Variants in ELFN2 observed in about 807,000 individuals in gnomAD.
ELFN2 encodes the protein extracellular leucine rich repeat and fibronectin type III domain containing 2.
In ELFN2, 17 loss-of-function variants were observed where a neutral mutation model predicts 45.5. The observed-to-expected ratio is 0.37, with a 90% CI of 0.26 to 0.56. The LOEUF is 0.56. Among genes scored for constraint, ELFN2 ranks in the 20% least tolerant of loss-of-function variants. The pLI, the probability that ELFN2 is intolerant of heterozygous loss-of-function variation, is 0.77. For missense variants in ELFN2, 922 were observed against 1,183.2 expected (o/e 0.78, Z 3.24); for synonymous variants, 550 against 551.5 (o/e 1.00, Z 0.04).
chr22:37,413,894 G>A (rs1235524303), intron 2 of ELFN2, among the ~76,000 whole-genome samples: 2 of 152,154 alleles, frequency 1.3e-5, no homozygotes, highest in Non-Finnish European at 2.9e-5. Flanking sequence ...AGCCTGAAAC[G>A]CAAGGCCTCC....
At chr22:37,349,969 G>A (rs1371591841) in intron 1 of ELFN2, among the ~76,000 whole-genome samples, 1 of 150,960 alleles carries the variant, frequency 6.6e-6, no homozygotes, top group Admixed American at 6.6e-5. Context: ...CTCCCCATGA[G>A]ATCGGAGAGC....
At chr22:37,397,562 G>A (rs1472370472) in intron 2 of ELFN2, among the ~76,000 whole-genome samples, 4 of 152,196 alleles carry the variant, frequency 2.6e-5, no homozygotes, top group Admixed American at 6.5e-5. Flanking sequence ...GAGGGGGAAC[G>A]TGGACAGAGC....
intron 2 of ELFN2, among the ~76,000 whole-genome samples, chr22:37,380,075 G>T (rs1569134398): frequency 6.6e-6 from 1 of 152,186 alleles, no homozygotes. Context: ...GAACCTCCGG[G>T]TCACATCCTC....
At chr22:37,401,890 G>C (rs1005323143) in intron 2 of ELFN2, among the ~76,000 whole-genome samples, 1 of 152,178 alleles carries the variant, frequency 6.6e-6, no homozygotes, top group African/African-American at 2.4e-5. Context: ...TGGCGACAAG[G>C]GAAAAGCTTG....
In ELFN2 at chr22:37,375,558, C is replaced by A. The variant is rs1200301750; in HGVS notation, c.-24G>T. On this transcript the variant is annotated 5_prime_UTR_variant, in exon 3 of 3. Transcript: ENST00000402918. Reference sequence around the variant, plus strand: ...ATGGCGCTGGCCTCGGAGTGAGGGGCCAGGGCAAGGCAGGGGGTGCCTAGC... The same window carrying A: ...ATGGCGCTGGCCTCGGAGTGAGGGGACAGGGCAAGGCAGGGGGTGCCTAGC... 3.9e-6 allele frequency: 6 copies of A among 1,521,616 alleles called. No homozygotes were observed. Among genetic ancestry groups the A allele is most frequent in the Non-Finnish European group, 5.3e-6 (6 of 1,133,416 alleles). 94.3% of individuals were successfully genotyped at this position (1,521,616 alleles called of 1,614,324 possible).
intron 1 of ELFN2, among the ~76,000 whole-genome samples, chr22:37,359,691 C>T (rs1931034045): frequency 6.6e-6 from 1 of 152,198 alleles, no homozygotes; most frequent in Admixed American, 6.5e-5. Context: ...ACTCCAAGGC[C>T]CAGTACTGCC....
chr22:37,355,907 C>A (rs983978823), intron 1 of ELFN2, among the ~76,000 whole-genome samples: 5 of 152,194 alleles, frequency 3.3e-5, no homozygotes, highest in Non-Finnish European at 5.9e-5. Context: ...GAGTGTTCAG[C>A]GTCTTTTGTT....
At chr22:37,378,896 T>C (rs1601749083) in intron 2 of ELFN2, among the ~76,000 whole-genome samples, 1 of 151,792 alleles carries the variant, frequency 6.6e-6, no homozygotes, top group Non-Finnish European at 1.5e-5. Flanking sequence ...GTGTGGGGGG[T>C]GGGGGCAGCA....
At position 37,417,461 on chromosome 22, in the gene ELFN2, T is replaced by C. The variant is rs1006054509; in HGVS notation, c.-463+308A>G. ...TGCTGGAGTGCAGACTAAGCCTGCC[T>C]CAGCCTCTCTGCCGGGTGATGGGGC... On this transcript the variant is annotated intron_variant, in intron 2 of 2. Coordinates refer to ENST00000402918, the MANE Select transcript of ELFN2 (RefSeq NM_052906.5). This position sits in a 1 kb window ranked among gnomAD's most constrained non-coding sequence, Gnocchi z 4.5. Among the ~76,000 whole-genome samples the C allele has an allele frequency of 3.3e-5, 5 of 152,200 alleles. No homozygotes were observed. The highest frequency in any genetic ancestry group is 7.3e-5 in the Non-Finnish European group (5 of 68,038).
rs374518588 is a variant in ELFN2 at position 37,414,328 on chromosome 22, G to A, written c.-463+3441C>T. 1.2e-4 allele frequency among the ~76,000 whole-genome samples: 19 copies of A among 152,206 alleles called. No individual in the cohort carries two copies. In the South Asian group the frequency reaches 3.9e-3, roughly 31 times the overall value. On this transcript the variant is annotated intron_variant, in intron 2 of 2. Transcript: ENST00000402918. ...AGGGTGCTCGGGAGGACTTCCCTGA[G>A]GAGGTGACAGTTAACCAGAACAGGA...
chr22:37,378,504 G>A (rs1337369649), intron 2 of ELFN2, among the ~76,000 whole-genome samples: 2 of 152,226 alleles, frequency 1.3e-5, no homozygotes, highest in East Asian at 3.8e-4. Flanking sequence ...GGCCCATGTG[G>A]GAGGGGAGCT....
rs551497678 is a variant in ELFN2 at position 37,427,319 on chromosome 22, G to A, written c.-635C>T. ...TTACCCCAGCCCCAGCCGGGATCCGGGCCAAGCACCGCCTCCGGGAAGCGG... is the reference window on the plus strand; with the variant it reads ...TTACCCCAGCCCCAGCCGGGATCCGAGCCAAGCACCGCCTCCGGGAAGCGG... On this transcript the variant is annotated 5_prime_UTR_variant, in exon 1 of 3. Coordinates refer to ENST00000402918, the MANE Select transcript of ELFN2 (RefSeq NM_052906.5). 1 of 152,830 alleles carries A rather than the reference G, an allele frequency of 6.5e-6. No individual in the cohort carries two copies. Among genetic ancestry groups the A allele is most frequent in the South Asian group, 2.1e-4 (1 of 4,838 alleles). The allele number at this position is 152,830 out of a possible 1,614,324, so 9.5% of individuals were successfully genotyped here.
intron 2 of ELFN2, among the ~76,000 whole-genome samples, chr22:37,401,280 CA>C (rs1932355581): frequency 6.6e-6 from 1 of 152,228 alleles, no homozygotes; most frequent in African/African-American, 2.4e-5. Flanking sequence ...CAGGGACACA[CA>C]GTTGGGCAGT....
intron 2 of ELFN2, among the ~76,000 whole-genome samples, chr22:37,403,126 A>G (rs1448563653): frequency 6.6e-6 from 1 of 151,634 alleles, no homozygotes; most frequent in African/African-American, 2.4e-5. Flanking sequence ...GGCCACTTTC[A>G]TTCTTCCCTC....
intron 2 of ELFN2, among the ~76,000 whole-genome samples, chr22:37,403,726 C>T (rs1351052252): frequency 6.6e-6 from 1 of 152,238 alleles, no homozygotes; most frequent in African/African-American, 2.4e-5. Flanking sequence ...CCCAACGAGG[C>T]TCATCATCTC....
chr22:37,350,267 C>CA (rs75618004), intron 1 of ELFN2, among the ~76,000 whole-genome samples: 50,481 of 150,512 alleles, frequency 0.34, 10,777 homozygotes, highest in African/African-American at 0.52. Flanking sequence ...ATGGCAAGAA[C>CA]GGGTGGGAGC....
At chr22:37,361,875 C>T (rs897208376) in intron 1 of ELFN2, among the ~76,000 whole-genome samples, 3 of 152,200 alleles carry the variant, frequency 2.0e-5, no homozygotes, top group Non-Finnish European at 4.4e-5. Flanking sequence ...ATTCTCCGGC[C>T]CATAGGACAC....
At position 37,373,984 on chromosome 22, in the gene ELFN2, G is replaced by C; in HGVS notation, c.1551C>G (p.Pro517=). 2 of 1,613,002 alleles carry C rather than the reference G, an allele frequency of 1.2e-6. No individual in the cohort carries two copies. Among genetic ancestry groups the C allele is most frequent in the African/African-American group, 2.7e-5 (2 of 75,050 alleles). The change falls in exon 3 of 3, where the codon CCC becomes CCG. Residue 517 remains proline, a synonymous_variant. Transcript: ENST00000402918. ...TGAGGDGLAR[P]EDDLPDLENG... ...TCTCGAGGTCCGGGAGGTCATCCTCGGGCCGAGCCAGACCGTCCCCGCCGG... is the reference window on the plus strand; with the variant it reads ...TCTCGAGGTCCGGGAGGTCATCCTCCGGCCGAGCCAGACCGTCCCCGCCGG...
intron 2 of ELFN2, among the ~76,000 whole-genome samples, chr22:37,396,116 AAC>A (rs1932207505): frequency 6.6e-6 from 1 of 152,246 alleles, no homozygotes; most frequent in South Asian, 2.1e-4. Context: ...CACCGTGGAA[AAC>A]ACAAAGACAA....
Sources: allele counts gnomAD v4.1 joint callset (sites outside exome capture counted in the v4.1 genomes callset), GRCh38; gene constraint gnomAD v4.1.1; non-coding constraint Gnocchi (gnomAD v3.1); transcripts MANE v1.5; gene names NCBI Gene and HGNC (gene_info 2026-07-23, HGNC 2026-07-21).